The following NARS2 variants were observed in gnomAD, a reference collection of about 807,000 sequenced individuals.
NARS2 encodes asparaginyl-tRNA synthetase 2, mitochondrial, also known as asparaginyl-tRNA synthetase.
A neutral mutation model predicts 62.9 loss-of-function variants in NARS2; 60 were observed. The observed-to-expected ratio is 0.95, with a 90% CI of 0.77 to 1.18. NARS2 has a LOEUF of 1.18. Among genes scored for constraint, NARS2 ranks in the 50% most tolerant of loss-of-function variants. The pLI, the probability that NARS2 is intolerant of heterozygous loss-of-function variation, is 0.00. For synonymous variants in NARS2, 196 were observed against 200.0 expected, an observed-to-expected ratio of 0.98 and a Z score of 0.17; for missense variants, 619 against 576.4, an observed-to-expected ratio of 1.07 and a Z score of -0.76.
chr11:78,532,891 A>G (rs992747915), intron 5 of NARS2, among the ~76,000 whole-genome samples: 3 of 152,222 alleles, frequency 2.0e-5, no homozygotes, highest in African/African-American at 7.2e-5. Context: ...AAATGTGGTA[A>G]TACTTGTAAA....
At chr11:78,526,306 T>C (rs1861291325) in intron 6 of NARS2, among the ~76,000 whole-genome samples, 1 of 152,134 alleles carries the variant, frequency 6.6e-6, no homozygotes, top group African/African-American at 2.4e-5. Context: ...AATGGAACCA[T>C]AAACCCACTA....
chr11:78,481,587 C>A (rs1345648553), intron 7 of NARS2, among the ~76,000 whole-genome samples: 4 of 152,088 alleles, frequency 2.6e-5, no homozygotes, highest in African/African-American at 9.7e-5. Flanking sequence ...TCTCTGGCTG[C>A]CCTAATCTTG....
intron 6 of NARS2, among the ~76,000 whole-genome samples, chr11:78,510,780 A>C (rs1860693074): frequency 6.6e-6 from 1 of 152,228 alleles, no homozygotes; most frequent in Non-Finnish European, 1.5e-5. Context: ...AAATGCAAAA[A>C]AAGAGAACGA....
intron 2 of NARS2, among the ~76,000 whole-genome samples, chr11:78,570,948 A>G (rs956042362): frequency 6.6e-6 from 1 of 152,218 alleles, no homozygotes; most frequent in Non-Finnish European, 1.5e-5. Flanking sequence ...TGACATAATC[A>G]TGGGATGGGA....
rs71046983 is a variant in NARS2, at chr11:78,563,215, A to ATTT, written c.513+2914_513+2916dup. ...ATTCAAGTTATTTCCAACCACTTGA[A>ATTT]TTTTTTTTTTTTTTTTTTTTTGAGA... On this transcript the variant is annotated intron_variant, in intron 4 of 13. Transcript: ENST00000281038. Among the ~76,000 whole-genome samples the ATTT allele has an allele frequency of 9.8e-3, 1,136 of 115,674 alleles. 40 individuals carry two copies. The highest frequency in any genetic ancestry group is 0.032 in the African/African-American group (960 of 29,560). The allele number at this position is 115,674 out of a possible 152,430, so 75.9% of individuals were successfully genotyped here. A position where few individuals can be genotyped will look rare whatever the true frequency, so the allele number is the denominator to read the frequency against.
In NARS2 at chr11:78,447,088, G is replaced by GA. The variant is rs1420978700; in HGVS notation, c.1165-3331dup. 6.8e-5 allele frequency among the ~76,000 whole-genome samples: 10 copies of GA among 148,148 alleles called. 1 individual carries two copies. The South Asian group carries it at 1.7e-3, about 25-fold the overall frequency. On this transcript the variant is annotated intron_variant, in intron 11 of 13. Transcript: ENST00000281038. ...ACATACAAATGACTAACAGGTGCAA[G>GA]AAAAAATGCTCAAAATCACTAATTA...
chr11:78,449,823 T>C (rs1305634762), intron 11 of NARS2, among the ~76,000 whole-genome samples: 2 of 152,172 alleles, frequency 1.3e-5, no homozygotes, highest in African/African-American at 2.4e-5. Flanking sequence ...ATTACAAATG[T>C]TCCTTGGTGA....
At chr11:78,467,950 A>C (rs1438701212) in intron 10 of NARS2, among the ~76,000 whole-genome samples, 1 of 151,798 alleles carries the variant, frequency 6.6e-6, no homozygotes, top group Non-Finnish European at 1.5e-5. Context: ...GGGCTCAAGC[A>C]ATCCTACCTT....
At chr11:78,514,884 C>T (rs539912722) in intron 6 of NARS2, among the ~76,000 whole-genome samples, 1 of 152,200 alleles carries the variant, frequency 6.6e-6, no homozygotes, top group South Asian at 2.1e-4. Flanking sequence ...AAATTAATAC[C>T]ATTCAAGCTA....
chr11:78,482,182 A>T (rs757442934), intron 7 of NARS2, among the ~76,000 whole-genome samples: 1 of 152,194 alleles, frequency 6.6e-6, no homozygotes, highest in Admixed American at 6.6e-5. Context: ...GATGAAATAA[A>T]TTGACTACAA....
intron 4 of NARS2, among the ~76,000 whole-genome samples, chr11:78,560,846 T>C (rs1333469810): frequency 1.3e-5 from 2 of 152,232 alleles, no homozygotes; most frequent in East Asian, 3.8e-4. Flanking sequence ...ATAACATTAC[T>C]GCATAAAATT....
At chr11:78,440,534 T>C (rs1420647279) in intron 13 of NARS2, among the ~76,000 whole-genome samples, 1 of 150,160 alleles carries the variant, frequency 6.7e-6, no homozygotes, top group Non-Finnish European at 1.5e-5. Flanking sequence ...TGACATAATA[T>C]AATTTTTTTT....
At chr11:78,468,324 AAAAAG>A (rs1858718302) in intron 10 of NARS2, among the ~76,000 whole-genome samples, 2 of 149,362 alleles carry the variant, frequency 1.3e-5, no homozygotes, top group African/African-American at 4.9e-5. Context: ...AAAAAAAAAA[AAAAAG>A]AAAAAAAAGA....
chr11:78,554,812 G>A (rs1353678601), intron 5 of NARS2, among the ~76,000 whole-genome samples: 1 of 152,204 alleles, frequency 6.6e-6, no homozygotes, highest in Non-Finnish European at 1.5e-5. Context: ...ATGTTGAAGA[G>A]AAGTGGTGAG....
intron 5 of NARS2, among the ~76,000 whole-genome samples, chr11:78,556,920 T>G (rs1286376445): frequency 6.6e-6 from 1 of 152,216 alleles, no homozygotes; most frequent in Non-Finnish European, 1.5e-5. Context: ...GCTCCTTCCC[T>G]TATCAACTCC....
intron 6 of NARS2, among the ~76,000 whole-genome samples, chr11:78,497,048 TGAGAA>T (rs1860088025): frequency 6.6e-6 from 1 of 152,070 alleles, no homozygotes; most frequent in Admixed American, 6.6e-5. Flanking sequence ...AGTATTGCTC[TGAGAA>T]GAGACCAGGA....
Position 78,493,195 on chromosome 11 carries a change from T to G in NARS2, c.690A>C (p.Gly230=). The change falls in exon 7 of 14, where the codon GGA becomes GGC. Residue 230 remains glycine (G), a splice_region_variant and synonymous_variant. Transcript: ENST00000281038. ...SGQLHLEVMS[G]AFTQVFTFGP... is the part of the protein sequence containing the mutation. ...CAAAGGTAAACACTTGAGTAAAAGC[T>G]CTGCAATTCAAGATTAAGAGAATGC... 6.2e-7 allele frequency: 1 copy of G among 1,610,846 alleles called. No individual in the cohort carries two copies. Among genetic ancestry groups the G allele is most frequent in the Non-Finnish European group, 8.5e-7 (1 of 1,179,312 alleles).
chr11:78,504,497 T>C (rs1308542428), intron 6 of NARS2, among the ~76,000 whole-genome samples: 1 of 146,396 alleles, frequency 6.8e-6, no homozygotes. Context: ...GGAATTGACA[T>C]CAAAATAAAT....
intron 11 of NARS2, among the ~76,000 whole-genome samples, chr11:78,456,179 C>T (rs61018916): frequency 0.016 from 2,420 of 152,246 alleles, 63 homozygotes; most frequent in African/African-American, 0.055. Context: ...GAGGCATTTA[C>T]GTTCACTTTT....
Sources: gnomAD v4.1 joint callset for allele counts (sites outside exome capture counted in the v4.1 genomes callset) on GRCh38, gnomAD v4.1.1 for gene constraint, MANE v1.5 for transcripts, NCBI Gene and HGNC (gene_info 2026-07-23, HGNC 2026-07-21) for gene names.